MARCHF2: variants seen among roughly 807,000 people sequenced by gnomAD.
MARCHF2 encodes the protein membrane associated ring-CH-type finger 2.
A neutral mutation model predicts 24.0 loss-of-function variants in MARCHF2; 22 were observed. The observed-to-expected ratio is 0.92, with a 90% confidence interval of 0.66 to 1.31. MARCHF2 has a LOEUF of 1.31. Ranked by LOEUF, MARCHF2 falls within the 50% of genes most tolerant of loss-of-function variation. The pLI is 0.00. For synonymous variants in MARCHF2, 154 were observed against 153.0 expected, an observed-to-expected ratio of 1.01 and a Z score of -0.05; for missense variants, 301 against 335.3, an observed-to-expected ratio of 0.90 and a Z score of 0.80.
chr19:8,429,250 C>T (rs17159300), intron 3 of MARCHF2, among the ~76,000 whole-genome samples: 9,404 of 151,956 alleles, frequency 0.062, 698 homozygotes, highest in African/African-American at 0.17. Context: ...ACCGTTCACC[C>T]ATTTCATACC....
Position 8,438,616 on chromosome 19 carries a change from A to G in MARCHF2, c.*70A>G. 6.8e-7 allele frequency: 1 copy of G among 1,478,924 alleles called. No homozygotes were observed. Among genetic ancestry groups the G allele is most frequent in the Non-Finnish European group, 9.2e-7 (1 of 1,091,272 alleles). 91.6% of individuals were successfully genotyped at this position (1,478,924 alleles called of 1,614,324 possible). On this transcript the variant is annotated 3_prime_UTR_variant, in exon 5 of 5. Coordinates refer to ENST00000215555, the MANE Select transcript of MARCHF2 (RefSeq NM_001005415.2). ...TGGTGATACCCTGTCCTGTGGAAGG[A>G]CTTCCACTTCAACACTTCCACTTCA...
intron 1 of MARCHF2, among the ~76,000 whole-genome samples, chr19:8,421,114 G>GT (rs869244636): frequency 2.4e-4 from 36 of 148,240 alleles, no homozygotes; most frequent in African/African-American, 5.5e-4. Context: ...TAGCTTTCCT[G>GT]TTTTTTTTGG....
chr19:8,433,871 CAA>C (rs200139023), intron 4 of MARCHF2, among the ~76,000 whole-genome samples: 22 of 93,100 alleles, frequency 2.4e-4, no homozygotes, highest in Admixed American at 3.5e-4. Flanking sequence ...GACTCTGTCT[CAA>C]AAAAAAAAAA....
Position 8,430,661 on chromosome 19 carries a change from C to T in MARCHF2, c.376C>T (p.Leu126=). 2 of 1,607,342 alleles carry T rather than the reference C, an allele frequency of 1.2e-6. No individual in the cohort carries two copies. The highest frequency in any genetic ancestry group is 1.3e-5 in the African/African-American group (1 of 74,984). Residue 126 remains leucine, a synonymous_variant, in exon 4 of 5, where the codon CTG becomes TTG. Transcript: ENST00000215555. This position sits in a 1 kb window ranked among gnomAD's most constrained non-coding sequence, Gnocchi z 4.4. ...CCCCCTATCCTCTCCCCTGCAGTGG[C>T]TGAAGGACCCGGGGCCGCGGACGGA... is the stretch of plus-strand genomic sequence containing the variant. ...EKRPRPLTEW[L]KDPGPRTEKR... is the part of the protein sequence containing the mutation.
At chr19:8,434,373 C>T (rs755687015) in intron 4 of MARCHF2, among the ~76,000 whole-genome samples, 2 of 151,836 alleles carry the variant, frequency 1.3e-5, no homozygotes, top group African/African-American at 4.8e-5. Context: ...CATGAACCAT[C>T]GCGCCCTGCC....
intron 4 of MARCHF2, among the ~76,000 whole-genome samples, chr19:8,431,629 G>C (rs1967589327): frequency 6.6e-6 from 1 of 151,964 alleles, no homozygotes; most frequent in Non-Finnish European, 1.5e-5. Flanking sequence ...CTGAGCCCAG[G>C]AGTTCAAGAC....
intron 1 of MARCHF2, among the ~76,000 whole-genome samples, chr19:8,417,476 C>G (rs1277663727): frequency 6.6e-6 from 1 of 151,992 alleles, no homozygotes; most frequent in Non-Finnish European, 1.5e-5. Context: ...GTCTTGCTGT[C>G]ACCCAGGCTG....
At chr19:8,416,727 C>A (rs935246912) in intron 1 of MARCHF2, among the ~76,000 whole-genome samples, 1 of 152,016 alleles carries the variant, frequency 6.6e-6, no homozygotes, top group Non-Finnish European at 1.5e-5. Flanking sequence ...TCACCACACC[C>A]GGCTCATTTT....
At chr19:8,421,382 C>CTTTTTTTTTTTTTTTTTTTT (rs1254772289) in intron 1 of MARCHF2, among the ~76,000 whole-genome samples, 15 of 111,618 alleles carry the variant, frequency 1.3e-4, no homozygotes, top group Non-Finnish European at 2.0e-4. Context: ...TCTTTCTTTT[C>CTTTTTTTTTTTTTTTTTTTT]TTTTTTTTTT....
In MARCHF2 at chr19:8,421,931, C is replaced by T; in HGVS notation, c.91C>T (p.Leu31Phe). The T allele has an allele frequency of 6.2e-7, 1 of 1,613,884 alleles. No individual in the cohort carries two copies. Among genetic ancestry groups the T allele is most frequent in the Non-Finnish European group, 8.5e-7 (1 of 1,179,952 alleles). The part of the protein sequence containing the change: ...AFSKVVEATG[L>F]GPPQYVAQVT... ...CTCCAAGGTCGTGGAGGCTACGGGC[C>T]TCGGACCGCCCCAGTATGTGGCACA... The change falls in exon 2 of 5, where the codon CTC (leucine) becomes TTC (phenylalanine). Residue 31 changes from leucine (L) to phenylalanine (F), a missense_variant. Coordinates refer to ENST00000215555, the MANE Select transcript of MARCHF2 (RefSeq NM_001005415.2).
At chr19:8,419,538 C>T (rs1010337854) in intron 1 of MARCHF2, among the ~76,000 whole-genome samples, 3 of 150,876 alleles carry the variant, frequency 2.0e-5, no homozygotes, top group East Asian at 2.0e-4. Flanking sequence ...AATAATTGGC[C>T]GGGCGCGGTG....
chr19:8,424,424 T>C (rs112894330), intron 2 of MARCHF2, among the ~76,000 whole-genome samples: 1 of 152,002 alleles, frequency 6.6e-6, no homozygotes, highest in African/African-American at 2.4e-5. Flanking sequence ...TCCCAGCACT[T>C]TGGGAGGCCG....
At chr19:8,419,959 T>C (rs12971713) in intron 1 of MARCHF2, among the ~76,000 whole-genome samples, 146,952 of 149,718 alleles carry the variant, frequency 0.98, 72,295 homozygotes, top group East Asian at 1. Flanking sequence ...GAGATGGAGA[T>C]CATCCTGGCT....
chr19:8,416,698 C>A (rs1967095553), intron 1 of MARCHF2, among the ~76,000 whole-genome samples: 1 of 151,944 alleles, frequency 6.6e-6, no homozygotes, highest in Admixed American at 6.6e-5. Context: ...TCCTGAGTAG[C>A]TGGGATTACA....
At chr19:8,424,877 T>A (rs1280968027) in intron 2 of MARCHF2, among the ~76,000 whole-genome samples, 2 of 151,984 alleles carry the variant, frequency 1.3e-5, no homozygotes, top group Non-Finnish European at 2.9e-5. Context: ...CAAGCCTGAG[T>A]TGGTTGCATG....
chr19:8,415,721 C>CAAAAAAAAAAAAAAAAAAAAAAAAAAAA (rs1309501077), intron 1 of MARCHF2, among the ~76,000 whole-genome samples: 3 of 17,844 alleles, frequency 1.7e-4, no homozygotes, highest in Admixed American at 7.2e-4. Context: ...AACTCCATCT[C>CAAAAAAAAAAAAAAAAAAAAAAAAAAAA]AAAAAAAAAA....
Position 8,430,811 on chromosome 19 carries a change from G to A in MARCHF2, c.526G>A (p.Val176Met), listed in dbSNP as rs758433976. The change falls in exon 4 of 5, where the codon GTG becomes ATG. Residue 176 changes from valine (V) to methionine (M), a missense_variant. Coordinates refer to ENST00000215555, the MANE Select transcript of MARCHF2 (RefSeq NM_001005415.2). The surrounding 1 kb of genome is among the most constrained non-coding windows in gnomAD (Gnocchi z 4.4). ...CCGGCTCCACAGCCAGCTGGAGGCC[G>A]TGGGTCTCATTGCCCTCACCATCGC... is the stretch of plus-strand genomic sequence containing the variant. The part of the protein sequence containing the change: ...HLRLHSQLEA[V>M]GLIALTIALF... 1.4e-5 allele frequency: 23 copies of A among 1,610,848 alleles called. No homozygotes were observed. The highest frequency in any genetic ancestry group is 8.0e-5 in the African/African-American group (6 of 75,054).
chr19:8,418,970 T>C (rs1408318127), intron 1 of MARCHF2, among the ~76,000 whole-genome samples: 1 of 151,962 alleles, frequency 6.6e-6, no homozygotes, highest in East Asian at 1.9e-4. Flanking sequence ...TTGTAGCTCT[T>C]GGGGGTTGGA....
chr19:8,428,456 C>G (rs1967473310), intron 3 of MARCHF2, among the ~76,000 whole-genome samples: 1 of 151,324 alleles, frequency 6.6e-6, no homozygotes, highest in South Asian at 2.1e-4. Flanking sequence ...CCACTGCACT[C>G]CAGCCTGGGT....
Sources: allele counts gnomAD v4.1 joint callset (sites outside exome capture counted in the v4.1 genomes callset), GRCh38; gene constraint gnomAD v4.1.1; non-coding constraint Gnocchi (gnomAD v3.1); transcripts MANE v1.5; gene names NCBI Gene and HGNC (gene_info 2026-07-23, HGNC 2026-07-21).